The following ARHGAP17 variants were observed in gnomAD, a reference collection of about 807,000 sequenced individuals.
The protein encoded by ARHGAP17 is rho GTPase-activating protein 17.
ARHGAP17 carries 57 observed loss-of-function variants against 99.5 expected under a neutral mutation model. The observed-to-expected ratio is 0.57, with a 90% CI of 0.46 to 0.71. ARHGAP17 has a LOEUF of 0.71. Ranked by LOEUF, ARHGAP17 falls within the 30% of genes least tolerant of loss-of-function variation. The pLI is 0.00. For synonymous variants in ARHGAP17, 417 were observed against 429.6 expected (o/e 0.97, Z 0.36); for missense variants, 1,000 against 1,122.4 (o/e 0.89, Z 1.56).
intron 12 of ARHGAP17, among the ~76,000 whole-genome samples, chr16:24,951,281 C>A (rs905559682): frequency 2.6e-5 from 4 of 152,220 alleles, no homozygotes; most frequent in African/African-American, 9.7e-5. Context: ...TTGCTACTCT[C>A]CTGGCCCTGT....
intron 1 of ARHGAP17, among the ~76,000 whole-genome samples, chr16:25,005,881 C>G (rs1243461606): frequency 6.6e-6 from 1 of 152,204 alleles, no homozygotes; most frequent in Non-Finnish European, 1.5e-5. Context: ...TGCGCAACAT[C>G]ACTTTCTGCA....
chr16:24,960,372 C>T (rs868722296), intron 7 of ARHGAP17, among the ~76,000 whole-genome samples: 12 of 152,218 alleles, frequency 7.9e-5, no homozygotes, highest in Admixed American at 2.0e-4. Flanking sequence ...TGGTGAAACC[C>T]CGTCTCTACT....
At chr16:24,971,247 C>G (rs982377772) in intron 3 of ARHGAP17, among the ~76,000 whole-genome samples, 3 of 151,924 alleles carry the variant, frequency 2.0e-5, no homozygotes, top group South Asian at 2.1e-4. Context: ...AGACCTTGCT[C>G]TCTAAATGGT....
chr16:24,963,739 T>A (rs1273092130), intron 7 of ARHGAP17, among the ~76,000 whole-genome samples: 1 of 152,232 alleles, frequency 6.6e-6, no homozygotes, highest in Non-Finnish European at 1.5e-5. Context: ...TTAAAAGTAA[T>A]CCTTATCTTC....
rs1419325602 is a variant in ARHGAP17 at position 24,946,871 on chromosome 16, G to A, written c.1241+611C>T. ...GTCCAACTTCATATATAAGCATTCA[G>A]TTCCACCTGCTTCTTTGGATCTTCC... is the stretch of plus-strand genomic sequence containing the variant. On this transcript the variant is annotated intron_variant, in intron 14 of 19. Transcript: ENST00000289968. 1.6e-4 allele frequency among the ~76,000 whole-genome samples: 25 copies of A among 152,184 alleles called. 2 individuals carry two copies. Among genetic ancestry groups the A allele is most frequent in the Admixed American group, 1.6e-3 (24 of 15,280 alleles).
intron 3 of ARHGAP17, among the ~76,000 whole-genome samples, chr16:24,970,885 T>A (rs2052341466): frequency 6.6e-6 from 1 of 152,192 alleles, no homozygotes; most frequent in Non-Finnish European, 1.5e-5. Flanking sequence ...TATTTTTGTT[T>A]GTTTTTTTGG....
At chr16:24,967,561 C>T (rs113489567) in intron 6 of ARHGAP17, among the ~76,000 whole-genome samples, 24 of 152,152 alleles carry the variant, frequency 1.6e-4, no homozygotes, top group African/African-American at 5.8e-4. Context: ...GCTGTAATCC[C>T]AGCGCTTTGG....
At chr16:24,969,401 G>A (rs1481240162) in intron 4 of ARHGAP17, among the ~76,000 whole-genome samples, 1 of 152,084 alleles carries the variant, frequency 6.6e-6, no homozygotes, top group Non-Finnish European at 1.5e-5. Flanking sequence ...CTGGTGTGAG[G>A]TGGCCATGGT....
intron 1 of ARHGAP17, among the ~76,000 whole-genome samples, chr16:25,010,125 G>C (rs2053606294): frequency 6.6e-6 from 1 of 151,640 alleles, no homozygotes; most frequent in Non-Finnish European, 1.5e-5. Context: ...ACCCAGACTG[G>C]AGTGCAGTGG....
intron 19 of ARHGAP17, among the ~76,000 whole-genome samples, chr16:24,921,182 C>T (rs1316673848): frequency 6.6e-6 from 1 of 152,128 alleles, no homozygotes; most frequent in African/African-American, 2.4e-5. Context: ...CAGGCACAGC[C>T]TCAATGAAGC....
intron 12 of ARHGAP17, among the ~76,000 whole-genome samples, chr16:24,951,961 C>T (rs1398238377): frequency 1.3e-5 from 2 of 152,122 alleles, no homozygotes; most frequent in African/African-American, 4.8e-5. Flanking sequence ...TGCCACGGGT[C>T]AGTATGACCC....
intron 2 of ARHGAP17, 26 bp downstream of exon 2, chr16:24,978,940 A>T: frequency 6.4e-7 from 1 of 1,557,442 alleles, no homozygotes; most frequent in Non-Finnish European, 8.7e-7. Flanking sequence ...TAAACAGATC[A>T]TTTAAAGGAG....
At chr16:24,974,287 C>T (rs1815359719) in intron 3 of ARHGAP17, among the ~76,000 whole-genome samples, 1 of 152,156 alleles carries the variant, frequency 6.6e-6, no homozygotes, top group South Asian at 2.1e-4. Context: ...AAAAATTAGC[C>T]AGGCTTGGTG....
intron 2 of ARHGAP17, among the ~76,000 whole-genome samples, chr16:24,977,837 G>T (rs1391841504): frequency 6.6e-6 from 1 of 152,128 alleles, no homozygotes; most frequent in Admixed American, 6.5e-5. Context: ...GCTGTTTATG[G>T]CAAAGAGAGC....
rs1427639993 is a variant in ARHGAP17 at position 24,952,271 on chromosome 16, T to G, written c.1046+18A>C. 1.9e-6 allele frequency: 3 copies of G among 1,589,074 alleles called. No individual in the cohort carries two copies. Among genetic ancestry groups the G allele is most frequent in the African/African-American group, 2.7e-5 (2 of 74,254 alleles). On this transcript the variant is annotated intron_variant, in intron 12 of 19. Transcript: ENST00000289968. ...TCATTCCCTTTAACATTTACAACTC[T>G]GTGTTCTTTAAACTTACCTTGCAAC... is the stretch of plus-strand genomic sequence containing the variant.
intron 1 of ARHGAP17, among the ~76,000 whole-genome samples, chr16:24,999,906 C>A (rs2053312551): frequency 6.6e-6 from 1 of 152,210 alleles, no homozygotes; most frequent in Non-Finnish European, 1.5e-5. Flanking sequence ...TTCCCCAGTG[C>A]TGACCTGCTG....
In ARHGAP17 at chr16:25,006,444, C is replaced by A. The variant is rs532355605; in HGVS notation, c.53+8765G>T. ...CAGACTGAGTGACAGAGAGGGACTC[C>A]GTCTCAAAAAAAAAAAAAAAAAGAA... On this transcript the variant is annotated intron_variant, in intron 1 of 19. Coordinates refer to ENST00000289968, the MANE Select transcript of ARHGAP17 (RefSeq NM_001006634.3). Among the ~76,000 whole-genome samples, 6 of 139,230 alleles carry A rather than the reference C, an allele frequency of 4.3e-5. No individual in the cohort carries two copies. In the South Asian group the frequency reaches 1.3e-3, roughly 31 times the overall value. 91.3% of individuals were successfully genotyped at this position (139,230 alleles called of 152,430 possible). A position where few individuals can be genotyped will look rare whatever the true frequency, so the allele number is the denominator to read the frequency against.
chr16:24,993,938 T>C (rs2053122939), intron 1 of ARHGAP17, among the ~76,000 whole-genome samples: 10 of 152,178 alleles, frequency 6.6e-5, no homozygotes. Flanking sequence ...TTTGAAACCT[T>C]CCAAACTGGG....
At chr16:24,929,580 C>A in intron 19 of ARHGAP17, 2 of 987,604 alleles carry the variant, frequency 2.0e-6, no homozygotes, top group Non-Finnish European at 2.4e-6. Context: ...GTGGGGCGAG[C>A]TATGGGGCAA....
Sources: allele counts gnomAD v4.1 joint callset (sites outside exome capture counted in the v4.1 genomes callset), GRCh38; gene constraint gnomAD v4.1.1; transcripts MANE v1.5; gene names NCBI Gene and HGNC (gene_info 2026-07-23, HGNC 2026-07-21).